The following MAB21L4 variants were observed in gnomAD, a reference collection of about 807,000 sequenced individuals.
MAB21L4 encodes the protein mab-21 like 4, also known as protein mab-21-like 4.
In MAB21L4, 25 loss-of-function variants were observed where a neutral mutation model predicts 32.4. The observed-to-expected ratio is 0.77, with a 90% confidence interval of 0.56 to 1.08. The LOEUF is 1.08. Ranked by LOEUF, MAB21L4 falls within the 50% of genes least tolerant of loss-of-function variation. MAB21L4 has a pLI of 0.00. For synonymous variants in MAB21L4, 280 were observed against 276.8 expected (o/e 1.01, Z -0.11); for missense variants, 638 against 611.0 (o/e 1.04, Z -0.47).
chr2:240,896,285 T>G, upstream of MAB21L4: 1 of 578,660 alleles, frequency 1.7e-6, no homozygotes, highest in Non-Finnish European at 2.5e-6. Flanking sequence ...CCCTCCTCCC[T>G]CCCTTCAGAA....
rs2059155083 is a variant in MAB21L4, at chr2:240,892,010, T to C, written c.515-247A>G. On this transcript the variant is annotated intron_variant, in intron 1 of 4. Coordinates refer to ENST00000388934, the MANE Select transcript of MAB21L4 (RefSeq NM_001085437.3). ...ATGGTGACAGTCCTCGGCACAACTG[T>C]CAGCTCAGCGACTTGCAGCACCAGT... 3 of 1,503,228 alleles carry C rather than the reference T, an allele frequency of 2.0e-6. No individual in the cohort carries two copies. The African/African-American group carries it at 4.2e-5, about 21-fold the overall frequency. 93.1% of individuals were successfully genotyped at this position (1,503,228 alleles called of 1,614,324 possible).
At chr2:240,893,801 C>T (rs1217752571) in intron 1 of MAB21L4, among the ~76,000 whole-genome samples, 8 of 152,172 alleles carry the variant, frequency 5.3e-5, no homozygotes, top group South Asian at 4.1e-4. Flanking sequence ...GGGCCTGGCA[C>T]GGCCTCCTGC....
Position 240,895,987 on chromosome 2 carries a change from G to A in MAB21L4, c.11C>T (p.Pro4Leu), listed in dbSNP as rs1365664058. The A allele has an allele frequency of 1.4e-6, 2 of 1,454,900 alleles. No individual in the cohort carries two copies. Among genetic ancestry groups the A allele is most frequent in the African/African-American group, 1.4e-5 (1 of 70,322 alleles). The allele number at this position is 1,454,900 out of a possible 1,614,324, so 90.1% of individuals were successfully genotyped here. The change falls in exon 1 of 5, where the codon CCT becomes CTT. Residue 4 changes from proline (P) to leucine (L), a missense_variant. Physicochemically the swap from Pro to Leu is moderately conservative, Grantham distance 98. Transcript: ENST00000388934. ...GGCCATGGCTGAGGTGGGGAGAGCA[G>A]GGGCAGGCATCCCTTCAACAGTGGC... is the stretch of plus-strand genomic sequence containing the variant. MPAPALPTSAMAVQ... is the reference protein window; with the variant it reads MPALALPTSAMAVQ...
Position 240,890,032 on chromosome 2 carries a change from AGTCTGGCCACT to A in MAB21L4, c.856_866del (p.Ser286Ter). ...TCAGGTGGCCAAAGGTCAGGCCGTC[AGTCTGGCCACT>A]GTCACGCCAGCTCTCGTGGTTGACC... is the stretch of plus-strand genomic sequence containing the variant. On this transcript the variant is annotated frameshift_variant, in exon 3 of 5. Coordinates refer to ENST00000388934, the MANE Select transcript of MAB21L4 (RefSeq NM_001085437.3). LOFTEE classifies it high-confidence loss of function. The A allele has an allele frequency of 6.2e-7, 1 of 1,612,492 alleles. No individual in the cohort carries two copies. Among genetic ancestry groups the A allele is most frequent in the Non-Finnish European group, 8.5e-7 (1 of 1,178,972 alleles).
intron 3 of MAB21L4, 140 bp downstream of exon 3, chr2:240,889,865 A>G: frequency 2.0e-6 from 2 of 1,005,112 alleles, no homozygotes; most frequent in African/African-American, 3.3e-5. Flanking sequence ...GAACCTGGGC[A>G]GGCCCTCAGA....
At chr2:240,895,285 A>G (rs1386133951) in intron 1 of MAB21L4, among the ~76,000 whole-genome samples, 199 bp downstream of exon 1, 1 of 152,180 alleles carries the variant, frequency 6.6e-6, no homozygotes, top group Non-Finnish European at 1.5e-5. Context: ...CTGTGCCCCA[A>G]CACACTGTTC....
At position 240,888,435 on chromosome 2, in the gene MAB21L4, C is replaced by T. The variant is rs979787990; in HGVS notation, c.1108G>A (p.Glu370Lys). Residue 370 changes from glutamate to lysine, a missense_variant, in exon 4 of 5, where the codon GAG becomes AAG. Glu to Lys is a moderately conservative substitution (Grantham distance 56, BLOSUM62 1). Coordinates refer to ENST00000388934, the MANE Select transcript of MAB21L4 (RefSeq NM_001085437.3). ...GTGGCGTGGATGCGCAGGGCCGCCT[C>T]GGGCTGGCTGGCGAAGCCCTCCACG... ...QRVEGFASQP[E>K]AALRIHATHL... 9.6e-6 allele frequency: 15 copies of T among 1,567,282 alleles called. No individual in the cohort carries two copies. The highest frequency in any genetic ancestry group is 3.5e-5 in the South Asian group (3 of 85,328).
chr2:240,887,734 G>T (rs1031595144), intron 4 of MAB21L4, among the ~76,000 whole-genome samples: 3 of 152,154 alleles, frequency 2.0e-5, no homozygotes. Context: ...TGAGGGTGAG[G>T]GCCGGGCCCT....
chr2:240,893,956 T>A (rs1353178281), intron 1 of MAB21L4, among the ~76,000 whole-genome samples: 1 of 151,916 alleles, frequency 6.6e-6, no homozygotes, highest in Non-Finnish European at 1.5e-5. Context: ...GGGGGCAGGG[T>A]GAGGGCTGGC....
At chr2:240,891,428 G>T in intron 2 of MAB21L4, 110 bp downstream of exon 2, 1 of 997,306 alleles carries the variant, frequency 1.0e-6, no homozygotes, top group Non-Finnish European at 1.5e-6. Context: ...GGGGGCAGAG[G>T]CAGACGGAGG....
rs1242260410 is a variant in MAB21L4 at position 240,886,879 on chromosome 2, C to T, written c.*191G>A. On this transcript the variant is annotated 3_prime_UTR_variant, in exon 5 of 5. Transcript: ENST00000388934. ...CAGGCCCTGACCCAGGGAGGAGGTG[C>T]TCCAAGAGGCCTGCCCTGCCCCACC... 7.2e-6 allele frequency: 4 copies of T among 556,384 alleles called. No homozygotes were observed. In the East Asian group the frequency reaches 8.9e-5, roughly 12 times the overall value. The allele number at this position is 556,384 out of a possible 1,614,324, so 34.5% of individuals were successfully genotyped here.
intron 1 of MAB21L4, 24 bp from the exon 2 acceptor site, chr2:240,891,787 G>C: frequency 6.2e-7 from 1 of 1,602,798 alleles, no homozygotes; most frequent in Admixed American, 1.7e-5. Context: ...AGTCACGCCG[G>C]CCCCTCGACT....
Position 240,895,653 on chromosome 2 carries a change from C to T in MAB21L4, c.345G>A (p.Arg115=). 6.2e-7 allele frequency: 1 copy of T among 1,612,974 alleles called. No individual in the cohort carries two copies. The highest frequency in any genetic ancestry group is 1.7e-5 in the Admixed American group (1 of 60,028). ...GLELCHLGVP[R]EGAGLERWTT... ...TCCACCGCTCCAGGCCAGCCCCTTC[C>T]CTGGGCACACCCAGGTGGCATAATT... Residue 115 remains arginine (R), a synonymous_variant, in exon 1 of 5, where the codon AGG becomes AGA. Coordinates refer to ENST00000388934, the MANE Select transcript of MAB21L4 (RefSeq NM_001085437.3).
At chr2:240,890,646 A>C (rs1229612728) in intron 2 of MAB21L4, among the ~76,000 whole-genome samples, 1 of 152,148 alleles carries the variant, frequency 6.6e-6, no homozygotes, top group Non-Finnish European at 1.5e-5. Flanking sequence ...GAGGTGGTGG[A>C]GCCTTGGCAA....
rs745897108 is a variant in MAB21L4 at position 240,888,389 on chromosome 2, G to T, written c.1154C>A (p.Pro385Gln). ...IHATHLGRSP[P>Q]PRIGSGLKAL... ...CTTGAGCCCGGAGCCGATGCGCGGC[G>T]GGGGGCTGCGGCCCAGGTGGGTGGC... The change falls in exon 4 of 5, where the codon CCG becomes CAG. Residue 385 changes from proline to glutamine, a missense_variant. Transcript: ENST00000388934. 1.9e-5 allele frequency: 29 copies of T among 1,556,914 alleles called. No homozygotes were observed. In the South Asian group the frequency reaches 3.1e-4, roughly 17 times the overall value.
At chr2:240,888,126 C>T (rs1474583545) in intron 4 of MAB21L4, among the ~76,000 whole-genome samples, 166 bp downstream of exon 4, 1 of 152,208 alleles carries the variant, frequency 6.6e-6, no homozygotes, top group Admixed American at 6.5e-5. Flanking sequence ...GTGTGACCCC[C>T]AGACATCACA....
intron 1 of MAB21L4, among the ~76,000 whole-genome samples, chr2:240,895,280 C>T (rs1436336848): frequency 6.6e-6 from 1 of 152,244 alleles, no homozygotes; most frequent in Non-Finnish European, 1.5e-5. Flanking sequence ...GACTTCTGTG[C>T]CCCAACACAC....
In MAB21L4 at chr2:240,888,312, A is replaced by G. The variant is rs1364528073; in HGVS notation, c.1231T>C (p.Phe411Leu). The G allele has an allele frequency of 1.9e-6, 3 of 1,576,158 alleles. No homozygotes were observed. Among genetic ancestry groups the G allele is most frequent in the African/African-American group, 1.4e-5 (1 of 72,332 alleles). The change falls in exon 4 of 5, where the codon TTC becomes CTC. Residue 411 changes from phenylalanine to leucine, a missense_variant. Coordinates refer to ENST00000388934, the MANE Select transcript of MAB21L4 (RefSeq NM_001085437.3). ...SDPTYWATAY[F>L]DVLLDKFQVF... ...CCCACCTTGTCCAGCAGGACGTCGAAGTAGGCAGTGGCCCAGTAAGTGGGG... is the reference window on the plus strand; with the variant it reads ...CCCACCTTGTCCAGCAGGACGTCGAGGTAGGCAGTGGCCCAGTAAGTGGGG...
intron 1 of MAB21L4, 127 bp downstream of exon 1, chr2:240,895,357 A>C: frequency 1.1e-6 from 1 of 904,230 alleles, no homozygotes; most frequent in Non-Finnish European, 1.6e-6. Flanking sequence ...CACAGAAGAC[A>C]GTCGCCACCC....
Sources: gnomAD v4.1 joint callset for allele counts (sites outside exome capture counted in the v4.1 genomes callset) on GRCh38, gnomAD v4.1.1 for gene constraint, MANE v1.5 for transcripts, NCBI Gene and HGNC (gene_info 2026-07-23, HGNC 2026-07-21) for gene names.